Variants in NDUFA5 observed in about 807,000 individuals in gnomAD.
NDUFA5 encodes the protein NADH dehydrogenase [ubiquinone] 1 alpha subcomplex subunit 5.
Under a neutral mutation model 19.8 loss-of-function variants are expected in NDUFA5, and 11 were observed. The observed-to-expected ratio is 0.56, with a 90% CI of 0.35 to 0.92. NDUFA5 has a LOEUF of 0.92. NDUFA5 is among the 40% of genes least tolerant of loss of function. The pLI is 0.01. For synonymous variants in NDUFA5, 47 were observed against 46.8 expected, an observed-to-expected ratio of 1.00 and a Z score of -0.01; for missense variants, 109 against 134.2, an observed-to-expected ratio of 0.81 and a Z score of 0.93.
rs547931442 is a variant in NDUFA5 at position 123,552,394 on chromosome 7, C to T, written c.67-1808G>A. 5.5e-3 allele frequency among the ~76,000 whole-genome samples: 836 copies of T among 151,960 alleles called. 3 individuals carry two copies. Among genetic ancestry groups the T allele is most frequent in the Non-Finnish European group, 9.3e-3 (635 of 67,968 alleles). On this transcript the variant is annotated intron_variant, in intron 2 of 4. Transcript: ENST00000355749. Reference sequence around the variant, plus strand: ...AGCAAACTAACACAAGAACAGAAAACCAAACATCACATGTTCTCACTCATA... The same window carrying T: ...AGCAAACTAACACAAGAACAGAAAATCAAACATCACATGTTCTCACTCATA...
At chr7:123,562,867 G>A (rs189977609), upstream of NDUFA5, among the ~76,000 whole-genome samples, 29 of 146,316 alleles carry the variant, frequency 2.0e-4, no homozygotes, top group African/African-American at 7.1e-4. Context: ...GCACGATCTC[G>A]CCTCACTGCA....
chr7:123,560,255 T>C (rs1206324438), upstream of NDUFA5, among the ~76,000 whole-genome samples: 1 of 152,192 alleles, frequency 6.6e-6, no homozygotes, highest in African/African-American at 2.4e-5. Flanking sequence ...TCTTTTCTGC[T>C]AAGATCATTC....
the NDUFA5 span, among the ~76,000 whole-genome samples, chr7:123,583,677 G>A: frequency 6.6e-6 from 1 of 151,924 alleles, no homozygotes; most frequent in Non-Finnish European, 1.5e-5. Flanking sequence ...CAGGAAAGAG[G>A]AGTAACATTC....
intron 3 of NDUFA5, among the ~76,000 whole-genome samples, chr7:123,548,274 A>C (rs1798207762): frequency 2.0e-5 from 3 of 152,200 alleles, no homozygotes; most frequent in African/African-American, 7.2e-5. Flanking sequence ...GGTTATATCT[A>C]GCCTTTGGGA....
At chr7:123,600,867 A>G in the NDUFA5 span, among the ~76,000 whole-genome samples, 1 of 152,238 alleles carries the variant, frequency 6.6e-6, no homozygotes, top group East Asian at 1.9e-4. Flanking sequence ...AGATGAGACG[A>G]AAAACAAAAG....
At chr7:123,575,851 A>G in the NDUFA5 span, among the ~76,000 whole-genome samples, 4 of 142,848 alleles carry the variant, frequency 2.8e-5, no homozygotes, top group Non-Finnish European at 6.0e-5. Flanking sequence ...TGACACTCCT[A>G]GACTATGTCT....
the NDUFA5 span, among the ~76,000 whole-genome samples, chr7:123,591,576 G>A: frequency 6.6e-6 from 1 of 152,056 alleles, no homozygotes; most frequent in Non-Finnish European, 1.5e-5. Context: ...TTTGTTGTTG[G>A]TTCTGTTTAT....
At chr7:123,576,802 G>C in the NDUFA5 span, among the ~76,000 whole-genome samples, 1 of 152,138 alleles carries the variant, frequency 6.6e-6, no homozygotes, top group Non-Finnish European at 1.5e-5. Context: ...CTGCCACTAG[G>C]TTTTCTCACC....
chr7:123,550,766 T>C (rs1392594658), intron 2 of NDUFA5, among the ~76,000 whole-genome samples, 180 bp from the exon 3 acceptor site: 1 of 152,082 alleles, frequency 6.6e-6, no homozygotes. Flanking sequence ...CTACACCCTT[T>C]ATAACTTAGG....
At chr7:123,600,133 A>T in the NDUFA5 span, among the ~76,000 whole-genome samples, 1 of 152,202 alleles carries the variant, frequency 6.6e-6, no homozygotes, top group Non-Finnish European at 1.5e-5. Flanking sequence ...TTGTATCATC[A>T]TCATCATCAT....
upstream of NDUFA5, among the ~76,000 whole-genome samples, chr7:123,560,169 A>C (rs1026165399): frequency 2.0e-5 from 3 of 152,176 alleles, no homozygotes; most frequent in African/African-American, 7.2e-5. Context: ...AAGCTGGGAA[A>C]AGAAGAGAAA....
At chr7:123,558,978 A>C (rs774989689), upstream of NDUFA5, among the ~76,000 whole-genome samples, 8 of 152,136 alleles carry the variant, frequency 5.3e-5, no homozygotes, top group Admixed American at 2.0e-4. Flanking sequence ...GAAATATTAA[A>C]GATTAGAAAA....
chr7:123,573,619 CAT>C, the NDUFA5 span, among the ~76,000 whole-genome samples: 11 of 152,148 alleles, frequency 7.2e-5, no homozygotes, highest in Admixed American at 6.5e-4. Context: ...TAGCAATCAA[CAT>C]AGTTTTTCTT....
Position 123,557,348 on chromosome 7 carries a change from C to A in NDUFA5, c.66+56G>T, listed in dbSNP as rs767151371. On this transcript the variant is annotated intron_variant, in intron 2 of 4. Transcript: ENST00000355749. Reference sequence around the variant, plus strand: ...GTTAACCCTGCAATAAGCAAAGTGACAGGAATTTAGTCTTCCTTGGGAATT... The same window carrying A: ...GTTAACCCTGCAATAAGCAAAGTGAAAGGAATTTAGTCTTCCTTGGGAATT... 4 of 1,610,368 alleles carry A rather than the reference C, an allele frequency of 2.5e-6. No individual in the cohort carries two copies. In the South Asian group the frequency reaches 3.3e-5, roughly 13 times the overall value.
chr7:123,558,059 A>G (rs918768219), upstream of NDUFA5: 3 of 590,804 alleles, frequency 5.1e-6, no homozygotes, highest in African/African-American at 5.6e-5. Flanking sequence ...TGTTCCTGCC[A>G]CTGCTGACGG....
At chr7:123,575,489 CT>C in the NDUFA5 span, among the ~76,000 whole-genome samples, 2 of 152,034 alleles carry the variant, frequency 1.3e-5, no homozygotes, top group African/African-American at 4.8e-5. Flanking sequence ...AATTGTATCA[CT>C]TCTGTATTGT....
At chr7:123,558,266 G>GT (rs1423328375), upstream of NDUFA5, 1 of 181,164 alleles carries the variant, frequency 5.5e-6, no homozygotes, top group Non-Finnish European at 1.2e-5. Context: ...AAGGATATCA[G>GT]TATTCTCTGT....
chr7:123,550,684 T>TC, intron 2 of NDUFA5, 98 bp from the exon 3 acceptor site: 1 of 690,206 alleles, frequency 1.4e-6, no homozygotes, highest in South Asian at 1.9e-5. Flanking sequence ...AACTCACATC[T>TC]GTTTTTTTTT....
At chr7:123,591,949 G>A in the NDUFA5 span, among the ~76,000 whole-genome samples, 1 of 151,934 alleles carries the variant, frequency 6.6e-6, no homozygotes, top group Non-Finnish European at 1.5e-5. Context: ...TTTGTTGGTA[G>A]GCTATTAATT....
Sources: allele counts gnomAD v4.1 joint callset (sites outside exome capture counted in the v4.1 genomes callset), GRCh38; gene constraint gnomAD v4.1.1; transcripts MANE v1.5; gene names NCBI Gene and HGNC (gene_info 2026-07-23, HGNC 2026-07-21).